The following COL4A2 variants were observed in gnomAD, a reference collection of about 807,000 sequenced individuals.
COL4A2 encodes the protein collagen alpha-2(IV) chain.
Under a neutral mutation model 200.2 loss-of-function variants are expected in COL4A2, and 99 were observed. The ratio of observed to expected loss-of-function variants is 0.49; its 90% CI spans 0.42 to 0.58. The LOEUF (loss-of-function observed/expected upper bound fraction) is 0.58, where lower values mean the gene tolerates loss of function less well. Among genes scored for constraint, COL4A2 ranks in the 20% least tolerant of loss-of-function variants. The pLI is 0.00. For missense variants in COL4A2, 1,950 were observed against 2,314.1 expected (o/e 0.84, Z 3.23); for synonymous variants, 897 against 900.6 (o/e 1.00, Z 0.07).
chr13:110,407,152 T>C (rs180795069), intron 4 of COL4A2, among the ~76,000 whole-genome samples: 2 of 152,330 alleles, frequency 1.3e-5, no homozygotes, highest in Non-Finnish European at 2.9e-5. Flanking sequence ...GCATTGACCA[T>C]GAAACCAACC....
rs1206326010 is a variant in COL4A2 at position 110,449,786 on chromosome 13, G to A, written c.1186G>A (p.Gly396Arg). 3 of 1,547,628 alleles carry A rather than the reference G, an allele frequency of 1.9e-6. No homozygotes were observed. The highest frequency in any genetic ancestry group is 2.6e-6 in the Non-Finnish European group (3 of 1,146,406). Residue 396 changes from glycine to arginine, a missense_variant, in exon 19 of 48, where the codon GGA (glycine) becomes AGA (arginine). Gly to Arg is a moderately radical substitution (Grantham distance 125, BLOSUM62 -2). Coordinates refer to ENST00000360467, the MANE Select transcript of COL4A2 (RefSeq NM_001846.4). The part of the protein sequence containing the change: ...PGPPGLSIGD[G>R]DQRRGLPGEM... ...TCCCCCTGGCCTCTCCATCGGAGATGGAGGTAATGTGGCTTCATAATATCA... is the reference window on the plus strand; with the variant it reads ...TCCCCCTGGCCTCTCCATCGGAGATAGAGGTAATGTGGCTTCATAATATCA...
At chr13:110,322,692 A>T (rs1330055028) in intron 3 of COL4A2, among the ~76,000 whole-genome samples, 1 of 152,142 alleles carries the variant, frequency 6.6e-6, no homozygotes, top group East Asian at 1.9e-4. Context: ...GGAGACAGGG[A>T]GCCGATGTCC....
intron 4 of COL4A2, among the ~76,000 whole-genome samples, chr13:110,406,121 C>G (rs1879559418): frequency 6.6e-6 from 1 of 152,238 alleles, no homozygotes; most frequent in South Asian, 2.1e-4. Context: ...CACTGCCAAA[C>G]TGAGCAGCCA....
rs1883646991 is a variant in COL4A2, at chr13:110,501,670, G to C, written c.3763G>C (p.Glu1255Gln). 2 of 1,613,108 alleles carry C rather than the reference G, an allele frequency of 1.2e-6. No homozygotes were observed. The highest frequency in any genetic ancestry group is 1.7e-6 in the Non-Finnish European group (2 of 1,179,186). Residue 1255 changes from glutamate (E) to glutamine (Q), a missense_variant and splice_region_variant, in exon 41 of 48, where the codon GAA (glutamate) becomes CAA (glutamine). Physicochemically the swap from Glu to Gln is conservative, Grantham distance 29. This residue lies in a region of COL4A2 where 1,385 missense variants were observed against 1,720.5 expected (regional missense o/e 0.80). Coordinates refer to ENST00000360467, the MANE Select transcript of COL4A2 (RefSeq NM_001846.4). ...GQKGDQGAPG[E>Q]RGPPGSPGLQ... Reference sequence around the variant, plus strand: ...ATTTCTTCTGTTTTCATCCTAAGGGGAACGAGGCCCACCTGGGAGCCCAGG... The same window carrying C: ...ATTTCTTCTGTTTTCATCCTAAGGGCAACGAGGCCCACCTGGGAGCCCAGG...
At chr13:110,490,678 C>G (rs1181811310) in intron 36 of COL4A2, among the ~76,000 whole-genome samples, 1 of 152,180 alleles carries the variant, frequency 6.6e-6, no homozygotes, top group East Asian at 1.9e-4. Flanking sequence ...GCTGGGCTGG[C>G]TGTGTCTGCC....
At chr13:110,452,602 A>G (rs1408817795) in intron 20 of COL4A2, among the ~76,000 whole-genome samples, 1 of 152,214 alleles carries the variant, frequency 6.6e-6, no homozygotes, top group African/African-American at 2.4e-5. Flanking sequence ...TTTATATTAT[A>G]AAGTAAAATT....
At chr13:110,308,811 T>C (rs960581168) in intron 3 of COL4A2, among the ~76,000 whole-genome samples, 1 of 152,172 alleles carries the variant, frequency 6.6e-6, no homozygotes, top group African/African-American at 2.4e-5. Context: ...TTTGTCCATT[T>C]TATACGTTTT....
intron 31 of COL4A2, among the ~76,000 whole-genome samples, chr13:110,481,768 C>T (rs111903228): frequency 0.035 from 280 of 8,020 alleles, no homozygotes; most frequent in Middle Eastern, 0.1. Flanking sequence ...AGTTCTGTCC[C>T]TCCATTGCTG....
intron 3 of COL4A2, among the ~76,000 whole-genome samples, chr13:110,345,367 G>A (rs1876649350): frequency 6.6e-6 from 1 of 152,228 alleles, no homozygotes; most frequent in Non-Finnish European, 1.5e-5. Context: ...TTTGAAAGTG[G>A]AGGGAACAGT....
At chr13:110,365,266 C>T (rs1161675994) in intron 4 of COL4A2, among the ~76,000 whole-genome samples, 2 of 152,046 alleles carry the variant, frequency 1.3e-5, no homozygotes, top group African/African-American at 4.8e-5. Context: ...CTCAGCCTCC[C>T]GAGTAGCTGG....
At chr13:110,449,921 G>A (rs1881473794) in intron 19 of COL4A2, 132 bp downstream of exon 19, 1 of 989,176 alleles carries the variant, frequency 1.0e-6, no homozygotes, top group Non-Finnish European at 1.5e-6. Flanking sequence ...AGTCTTAGCA[G>A]CTCTAAGGAG....
At chr13:110,387,501 C>T (rs1172984030) in intron 4 of COL4A2, among the ~76,000 whole-genome samples, 1 of 152,118 alleles carries the variant, frequency 6.6e-6, no homozygotes, top group Non-Finnish European at 1.5e-5. Flanking sequence ...TCCAGGGAAG[C>T]CAAGTGTCGG....
chr13:110,465,543 G>A lies in COL4A2; in HGVS notation c.1915G>A (p.Gly639Ser), dbSNP rs751567401. Residue 639 changes from glycine (G) to serine (S), a missense_variant, in exon 25 of 48, where the codon GGC becomes AGC. Around this residue, in one of 2 missense-constraint regions of COL4A2, gnomAD observed 1,385 missense variants for 1,720.5 expected, o/e 0.80. Coordinates refer to ENST00000360467, the MANE Select transcript of COL4A2 (RefSeq NM_001846.4). Reference protein sequence around the residue: ...KGQRGFPGDAGLPGPPGFLGP... With the variant: ...KGQRGFPGDASLPGPPGFLGP... ...CCAACGTGGTTTCCCTGGAGACGCC[G>A]GCTTACCTGGACCACCAGGCTTCCT... 36 of 1,613,850 alleles carry A rather than the reference G, an allele frequency of 2.2e-5. No homozygotes were observed. Among genetic ancestry groups the A allele is most frequent in the South Asian group, 1.2e-4 (11 of 91,084 alleles).
chr13:110,488,699 T>G (rs1460285287), intron 34 of COL4A2, among the ~76,000 whole-genome samples: 1 of 152,196 alleles, frequency 6.6e-6, no homozygotes, highest in African/African-American at 2.4e-5. Flanking sequence ...TTCAGTTCCT[T>G]TGCCTGTCAT....
chr13:110,377,643 A>G (rs746752394), intron 4 of COL4A2, among the ~76,000 whole-genome samples: 2 of 151,972 alleles, frequency 1.3e-5, no homozygotes, highest in African/African-American at 4.8e-5. Context: ...CCAAGGACCA[A>G]CTCTTTACAG....
At position 110,462,206 on chromosome 13, in the gene COL4A2, C is replaced by T. The variant is rs1314400722; in HGVS notation, c.1669+20C>T. 7 of 1,614,264 alleles carry T rather than the reference C, an allele frequency of 4.3e-6. No homozygotes were observed. The highest frequency in any genetic ancestry group is 1.1e-5 in the South Asian group (1 of 91,086). ...CCAAAGGTGAGTTCCTCTCTGGCCA[C>T]GCGGCCCCTGGGGCACTGAGCCTTC... On this transcript the variant is annotated intron_variant, in intron 23 of 47. Coordinates refer to ENST00000360467, the MANE Select transcript of COL4A2 (RefSeq NM_001846.4).
intron 4 of COL4A2, among the ~76,000 whole-genome samples, chr13:110,414,739 A>G (rs533281831): frequency 6.6e-6 from 1 of 152,370 alleles, no homozygotes; most frequent in East Asian, 1.9e-4. Flanking sequence ...TCAAATGGCT[A>G]TCACTGTCTA....
At chr13:110,421,745 G>C (rs1044339497) in intron 4 of COL4A2, among the ~76,000 whole-genome samples, 1 of 152,202 alleles carries the variant, frequency 6.6e-6, no homozygotes, top group Non-Finnish European at 1.5e-5. Flanking sequence ...AAAAAGAAAA[G>C]TTTACAGCAT....
chr13:110,334,760 G>C (rs546620973), intron 3 of COL4A2, among the ~76,000 whole-genome samples: 1 of 152,342 alleles, frequency 6.6e-6, no homozygotes, highest in African/African-American at 2.4e-5. Context: ...AGAGCATTTA[G>C]GAATATGGAG....
Sources: allele counts gnomAD v4.1 joint callset (sites outside exome capture counted in the v4.1 genomes callset), GRCh38; gene constraint gnomAD v4.1.1; regional missense constraint gnomAD v4.1.1; transcripts MANE v1.5; gene names NCBI Gene and HGNC (gene_info 2026-07-23, HGNC 2026-07-21).